The following TUSC3 variants were observed in gnomAD, a reference collection of about 807,000 sequenced individuals.
TUSC3 encodes the protein dolichyl-diphosphooligosaccharide--protein glycosyltransferase subunit TUSC3.
In TUSC3, 45 loss-of-function variants were observed where a neutral mutation model predicts 44.8. The ratio of observed to expected loss-of-function variants is 1.00; its 90% confidence interval spans 0.79 to 1.29. The LOEUF (loss-of-function observed/expected upper bound fraction) is 1.29, where lower values mean the gene tolerates loss of function less well. TUSC3 is among the 50% of genes most tolerant of loss of function. The pLI is 0.00. For missense variants in TUSC3, 519 were observed against 437.9 expected (o/e 1.19, Z -1.65); for synonymous variants, 212 against 152.9 (o/e 1.39, Z -2.85).
chr8:15,433,777 C>T (rs902759213), intron 1 of TUSC3, among the ~76,000 whole-genome samples: 2 of 151,952 alleles, frequency 1.3e-5, no homozygotes, highest in African/African-American at 4.8e-5. Flanking sequence ...TTATTTATTC[C>T]TTTTTATTGG....
intron 6 of TUSC3, among the ~76,000 whole-genome samples, chr8:15,675,369 A>C (rs1808139247): frequency 6.6e-6 from 1 of 152,156 alleles, no homozygotes; most frequent in African/African-American, 2.4e-5. Flanking sequence ...AGTATACGAA[A>C]AGTTATTCAA....
chr8:15,748,017 C>CTTGT (rs1261776630), intron 8 of TUSC3, among the ~76,000 whole-genome samples: 1 of 152,054 alleles, frequency 6.6e-6, no homozygotes, highest in Non-Finnish European at 1.5e-5. Flanking sequence ...AGGCAATAAT[C>CTTGT]TTGTTTGTGG....
intron 2 of TUSC3, among the ~76,000 whole-genome samples, chr8:15,518,026 T>G (rs1014397974): frequency 4.0e-5 from 6 of 151,844 alleles, no homozygotes; most frequent in Non-Finnish European, 4.4e-5. Context: ...TCCTACCTCC[T>G]CCTTACCCCT....
the TUSC3 span, among the ~76,000 whole-genome samples, chr8:15,849,002 T>C: frequency 2.6e-5 from 4 of 152,190 alleles, no homozygotes; most frequent in Non-Finnish European, 4.4e-5. Context: ...TATTTCTATA[T>C]CCCTCACATG....
At position 15,710,816 on chromosome 8, in the gene TUSC3, A is replaced by G. The variant is rs545391101; in HGVS notation, c.799-19850A>G. 2.1e-3 allele frequency among the ~76,000 whole-genome samples: 314 copies of G among 148,022 alleles called. 6 individuals carry two copies. Among genetic ancestry groups the G allele is most frequent in the South Asian group, 0.014 (68 of 4,762 alleles). ...ATTTATAAATATATATATTTGCATG[A>G]AGTGAATTTATAAATATATATATAT... On this transcript the variant is annotated intron_variant, in intron 6 of 10. Coordinates refer to ENST00000503731, the MANE Select transcript of TUSC3 (RefSeq NM_006765.4).
At chr8:15,518,754 T>C (rs1305348535) in intron 2 of TUSC3, among the ~76,000 whole-genome samples, 1 of 152,204 alleles carries the variant, frequency 6.6e-6, no homozygotes, top group South Asian at 2.1e-4. Flanking sequence ...TAGTATGTAC[T>C]TAAAGGAGCA....
At chr8:15,454,766 G>A (rs10098376) in intron 1 of TUSC3, among the ~76,000 whole-genome samples, 19,872 of 152,146 alleles carry the variant, frequency 0.13, 2,241 homozygotes, top group African/African-American at 0.3. Context: ...TAGGTAAAGT[G>A]TGGAAGCTTA....
intron 1 of TUSC3, among the ~76,000 whole-genome samples, chr8:15,457,573 G>A (rs1050074932): frequency 4.0e-5 from 6 of 150,612 alleles, no homozygotes; most frequent in Admixed American, 6.6e-5. Context: ...CTGCACATAC[G>A]CTACGAGAAA....
chr8:15,794,453 T>G, the TUSC3 span, among the ~76,000 whole-genome samples: 2 of 152,156 alleles, frequency 1.3e-5, no homozygotes, highest in Non-Finnish European at 2.9e-5. Flanking sequence ...CACTGGAACT[T>G]ATTGTCAAGT....
intron 1 of TUSC3, among the ~76,000 whole-genome samples, chr8:15,611,952 G>C (rs1305902395): frequency 6.6e-6 from 1 of 152,152 alleles, no homozygotes; most frequent in Non-Finnish European, 1.5e-5. Context: ...TTGGTTTATC[G>C]TTGGGTTTTC....
intron 1 of TUSC3, among the ~76,000 whole-genome samples, chr8:15,417,690 C>T (rs529196608): frequency 2.6e-5 from 4 of 152,310 alleles, no homozygotes; most frequent in Admixed American, 6.5e-5. Context: ...GAGCACTCAT[C>T]ACTGGCAGGC....
intron 1 of TUSC3, among the ~76,000 whole-genome samples, chr8:15,573,202 C>CTCTATATATATATATATATA (rs1435847916): frequency 1.3e-5 from 1 of 74,204 alleles, no homozygotes; most frequent in Non-Finnish European, 2.4e-5. Context: ...CTCTCTCTCT[C>CTCTATATATATATATATATA]TATATATATA....
At chr8:15,603,279 A>C (rs924210583) in intron 1 of TUSC3, among the ~76,000 whole-genome samples, 1 of 151,816 alleles carries the variant, frequency 6.6e-6, no homozygotes, top group Non-Finnish European at 1.5e-5. Flanking sequence ...GTCATTAAAC[A>C]TCATGGATAT....
At chr8:15,578,009 C>A (rs1403511190) in intron 1 of TUSC3, among the ~76,000 whole-genome samples, 1 of 149,390 alleles carries the variant, frequency 6.7e-6, no homozygotes, top group Non-Finnish European at 1.5e-5. Context: ...GTTTGTAGTT[C>A]TCCTTGAAGA....
intron 2 of TUSC3, among the ~76,000 whole-genome samples, chr8:15,500,185 G>A (rs914075260): frequency 2.6e-4 from 40 of 152,232 alleles, no homozygotes; most frequent in African/African-American, 9.4e-4. Flanking sequence ...AGCTGTACAC[G>A]TATCTGGTGG....
At chr8:15,821,089 A>T in the TUSC3 span, among the ~76,000 whole-genome samples, 15,006 of 152,194 alleles carry the variant, frequency 0.099, 874 homozygotes, top group East Asian at 0.25. Context: ...CTAGTGAAGA[A>T]GTCTCTTAGT....
chr8:15,741,549 G>A (rs746891930), intron 7 of TUSC3, among the ~76,000 whole-genome samples: 51 of 152,068 alleles, frequency 3.4e-4, no homozygotes, highest in Admixed American at 8.5e-4. Context: ...TCCGGGCATG[G>A]CGGTGCACTC....
At chr8:15,753,512 T>C (rs988095847) in intron 9 of TUSC3, among the ~76,000 whole-genome samples, 3 of 152,108 alleles carry the variant, frequency 2.0e-5, no homozygotes, top group African/African-American at 4.8e-5. Context: ...ATGGGAGCAT[T>C]ATGAACAAAA....
chr8:15,645,638 A>G (rs186334267), intron 2 of TUSC3, among the ~76,000 whole-genome samples: 29 of 152,250 alleles, frequency 1.9e-4, no homozygotes, highest in South Asian at 6.2e-4. Context: ...AATGTTGAGT[A>G]TAAATTTCAC....
Sources: gnomAD v4.1 joint callset for allele counts (sites outside exome capture counted in the v4.1 genomes callset) on GRCh38, gnomAD v4.1.1 for gene constraint, MANE v1.5 for transcripts, NCBI Gene and HGNC (gene_info 2026-07-23, HGNC 2026-07-21) for gene names.